UAP1: variants seen among roughly 807,000 people sequenced by gnomAD.
The protein encoded by UAP1 is UDP-N-acetylglucosamine pyrophosphorylase 1, also known as UDP-N-acetylhexosamine pyrophosphorylase.
A neutral mutation model predicts 58.5 loss-of-function variants in UAP1; 25 were observed. The observed-to-expected ratio is 0.43, with a 90% CI of 0.31 to 0.60. UAP1 has a LOEUF of 0.60. Ranked by LOEUF, UAP1 falls within the 20% of genes least tolerant of loss-of-function variation. The probability of loss-of-function intolerance (pLI) is 0.11; values close to 1 mark genes in which losing one functional copy is unlikely to be tolerated. For synonymous variants in UAP1, 208 were observed against 213.0 expected (o/e 0.98, Z 0.21); for missense variants, 575 against 630.0 (o/e 0.91, Z 0.93).
intron 9 of UAP1, chr1:162,593,889 TG>T (rs1655474222): frequency 6.6e-6 from 1 of 152,274 alleles, no homozygotes; most frequent in Non-Finnish European, 1.5e-5. Flanking sequence ...TTCCTGTCTG[TG>T]CCATTCCTCT....
intron 2 of UAP1, among the ~76,000 whole-genome samples, chr1:162,574,075 A>G (rs542304960): frequency 3.3e-4 from 48 of 145,154 alleles, no homozygotes; most frequent in Non-Finnish European, 6.2e-4. Context: ...TAATGGAGTT[A>G]TTTTTTTCTT....
intron 2 of UAP1, among the ~76,000 whole-genome samples, chr1:162,567,102 G>A (rs1653562452): frequency 1.3e-5 from 2 of 152,146 alleles, no homozygotes. Context: ...TACCTAGCTA[G>A]GTCACCTTGT....
intron 8 of UAP1, among the ~76,000 whole-genome samples, chr1:162,591,301 A>G (rs1487419188): frequency 2.6e-5 from 4 of 152,160 alleles, no homozygotes; most frequent in Non-Finnish European, 5.9e-5. Flanking sequence ...TACAAATTGT[A>G]GTCCAATGGC....
chr1:162,577,130 C>A, intron 3 of UAP1, 149 bp downstream of exon 3: 2 of 816,400 alleles, frequency 2.4e-6, no homozygotes, highest in Non-Finnish European at 3.8e-6. Flanking sequence ...GTTAAAAGTG[C>A]TATATATTAT....
Position 162,587,725 on chromosome 1 carries a change from A to G in UAP1, c.1028+57A>G, listed in dbSNP as rs1654988308. 4 of 1,547,128 alleles carry G rather than the reference A, an allele frequency of 2.6e-6. No individual in the cohort carries two copies. In the East Asian group the frequency reaches 9.0e-5, roughly 35 times the overall value. On this transcript the variant is annotated intron_variant, in intron 6 of 10. Coordinates refer to ENST00000271469, the Ensembl canonical transcript of UAP1. ...TATTTATTGTTAATCAGAAACTAAG[A>G]CACTTGAGAGGGATGCAGACACCCC...
intron 8 of UAP1, 148 bp from the exon 9 acceptor site, chr1:162,592,584 A>T (rs2101833387): frequency 3.2e-6 from 2 of 632,712 alleles, no homozygotes; most frequent in East Asian, 5.6e-5. Flanking sequence ...TTTTATTTTT[A>T]TTTTTTTACC....
At chr1:162,573,737 G>A (rs58870146) in intron 2 of UAP1, among the ~76,000 whole-genome samples, 3,331 of 152,232 alleles carry the variant, frequency 0.022, 118 homozygotes, top group African/African-American at 0.075. Flanking sequence ...GGCTGAGGTG[G>A]GCAGATCACT....
chr1:162,593,817 C>A lies in UAP1; in HGVS notation c.1409+1035C>A, dbSNP rs139593671. The A allele has an allele frequency of 5.9e-5, 9 of 152,030 alleles. No individual in the cohort carries two copies. The East Asian group carries it at 1.7e-3, about 30-fold the overall frequency. 9.4% of individuals were successfully genotyped at this position (152,030 alleles called of 1,614,324 possible). On this transcript the variant is annotated intron_variant, in intron 9 of 10. Transcript: ENST00000271469. ...GGGAAATATATGCAGGGCAAAAGATCTGGAGATGGAAGTTATCTCAGAAAT... is the reference window on the plus strand; with the variant it reads ...GGGAAATATATGCAGGGCAAAAGATATGGAGATGGAAGTTATCTCAGAAAT...
chr1:162,582,250 G>A (rs892750647), intron 5 of UAP1, among the ~76,000 whole-genome samples: 1 of 152,002 alleles, frequency 6.6e-6, no homozygotes, highest in African/African-American at 2.4e-5. Flanking sequence ...ACTATTTTGG[G>A]GACACTTGAC....
At chr1:162,565,722 G>C (rs1653450601) in intron 1 of UAP1, among the ~76,000 whole-genome samples, 2 of 152,164 alleles carry the variant, frequency 1.3e-5, no homozygotes, top group African/African-American at 4.8e-5. Context: ...TCACTGGTTA[G>C]GTTACTTAGC....
At chr1:162,584,972 T>C (rs1654816481) in intron 5 of UAP1, among the ~76,000 whole-genome samples, 1 of 152,234 alleles carries the variant, frequency 6.6e-6, no homozygotes, top group Non-Finnish European at 1.5e-5. Flanking sequence ...TATTTTGGAC[T>C]CAGCTTTTCT....
At chr1:162,562,866 G>A (rs765481014) in intron 1 of UAP1, among the ~76,000 whole-genome samples, 8 of 152,172 alleles carry the variant, frequency 5.3e-5, no homozygotes, top group African/African-American at 1.2e-4. Flanking sequence ...GAGGGCATAC[G>A]TATACCAGCA....
At chr1:162,594,989 G>A (rs1387989892) in intron 9 of UAP1, among the ~76,000 whole-genome samples, 2 of 152,316 alleles carry the variant, frequency 1.3e-5, no homozygotes, top group Middle Eastern at 6.8e-3. Context: ...GAGGGAAGAA[G>A]CAACTAGGAG....
chr1:162,597,331 C>T (rs543952815), intron 9 of UAP1: 1 of 152,696 alleles, frequency 6.5e-6, no homozygotes, highest in Non-Finnish European at 1.5e-5. Context: ...CAGCTATTGG[C>T]TTCTGTATTG....
chr1:162,577,343 G>A (rs1654255311), intron 3 of UAP1, among the ~76,000 whole-genome samples: 3 of 150,318 alleles, frequency 2.0e-5, no homozygotes, highest in Admixed American at 2.0e-4. Flanking sequence ...TGACTTCTGT[G>A]CTATGGGCCA....
chr1:162,597,485 A>G (rs1483229315), intron 9 of UAP1: 2 of 282,008 alleles, frequency 7.1e-6, no homozygotes, highest in East Asian at 1.6e-4. Flanking sequence ...TTTTTATCAA[A>G]TTGAAACTTG....
chr1:162,583,273 C>A (rs1344362962), intron 5 of UAP1, among the ~76,000 whole-genome samples: 1 of 151,570 alleles, frequency 6.6e-6, no homozygotes, highest in East Asian at 1.9e-4. Context: ...CTGCCTCAGC[C>A]TCCTGAGTAG....
chr1:162,568,416 A>G (rs1304767301), intron 2 of UAP1, among the ~76,000 whole-genome samples: 5 of 152,188 alleles, frequency 3.3e-5, no homozygotes, highest in Non-Finnish European at 4.4e-5. Flanking sequence ...ATCCTCTACT[A>G]TGAGTAGTTC....
At chr1:162,597,914 A>C in intron 10 of UAP1, 56 bp downstream of exon 10, 1 of 1,469,942 alleles carries the variant, frequency 6.8e-7, no homozygotes, top group South Asian at 1.2e-5. Context: ...ATATTTCAAA[A>C]TAATGAAAAA....
Sources: allele counts gnomAD v4.1 joint callset (sites outside exome capture counted in the v4.1 genomes callset), GRCh38; gene constraint gnomAD v4.1.1; transcripts MANE v1.5; gene names NCBI Gene and HGNC (gene_info 2026-07-23, HGNC 2026-07-21).